CRACR2A: variants seen among roughly 807,000 people sequenced by gnomAD.
CRACR2A encodes the protein calcium release activated channel regulator 2A, also known as EF-hand calcium-binding domain-containing protein 4B.
CRACR2A carries 79 observed loss-of-function variants against 90.5 expected under a neutral mutation model. The ratio of observed to expected loss-of-function variants is 0.87; its 90% CI spans 0.73 to 1.05. CRACR2A has a LOEUF of 1.05. Among genes scored for constraint, CRACR2A ranks in the 50% least tolerant of loss-of-function variants. The pLI is 0.00. For missense variants in CRACR2A, 823 were observed against 897.2 expected (o/e 0.92, Z 1.06); for synonymous variants, 338 against 356.7 (o/e 0.95, Z 0.59).
chr12:3,635,708 G>T (rs1278011108), intron 14 of CRACR2A, among the ~76,000 whole-genome samples: 1 of 152,120 alleles, frequency 6.6e-6, no homozygotes, highest in Non-Finnish European at 1.5e-5. Flanking sequence ...GTCTTCCCAT[G>T]TTGCTTAGGC....
chr12:3,631,480 C>T (rs1466227186), intron 15 of CRACR2A, among the ~76,000 whole-genome samples: 1 of 152,154 alleles, frequency 6.6e-6, no homozygotes, highest in Non-Finnish European at 1.5e-5. Context: ...AGGGCCTCCC[C>T]CATGGAATGC....
intron 3 of CRACR2A, among the ~76,000 whole-genome samples, chr12:3,712,070 T>C (rs1404642680): frequency 1.3e-5 from 2 of 152,190 alleles, no homozygotes; most frequent in African/African-American, 2.4e-5. Context: ...ATCAAACCCC[T>C]AGTCTTCATT....
At chr12:3,663,723 CCT>C (rs1945080015) in intron 7 of CRACR2A, among the ~76,000 whole-genome samples, 1 of 152,196 alleles carries the variant, frequency 6.6e-6, no homozygotes, top group Non-Finnish European at 1.5e-5. Context: ...CTGACTATTA[CCT>C]CTCTTGTTCT....
At chr12:3,740,628 G>A (rs568812739) in intron 1 of CRACR2A, among the ~76,000 whole-genome samples, 1 of 152,208 alleles carries the variant, frequency 6.6e-6, no homozygotes, top group South Asian at 2.1e-4. Context: ...ATACCTTACT[G>A]CATTGCTGTA....
chr12:3,730,054 T>C (rs556222392), intron 2 of CRACR2A: 6 of 152,296 alleles, frequency 3.9e-5, no homozygotes, highest in Non-Finnish European at 8.8e-5. Flanking sequence ...AGCCTGGACA[T>C]GGCAAGGCAG....
intron 2 of CRACR2A, among the ~76,000 whole-genome samples, chr12:3,717,498 CA>C (rs1355044455): frequency 6.6e-6 from 1 of 152,172 alleles, no homozygotes; most frequent in Non-Finnish European, 1.5e-5. Flanking sequence ...CTTGATATTG[CA>C]GGCCTACCAC....
intron 11 of CRACR2A, chr12:3,648,327 A>G: frequency 6.8e-7 from 1 of 1,461,532 alleles, no homozygotes; most frequent in Non-Finnish European, 9.0e-7. Flanking sequence ...ACCAGGAGGA[A>G]TAAACTGGAT....
chr12:3,684,844 G>A (rs570751545), intron 4 of CRACR2A, among the ~76,000 whole-genome samples: 23 of 152,330 alleles, frequency 1.5e-4, no homozygotes, highest in South Asian at 6.2e-4. Context: ...GACAGACTGC[G>A]GGGAGCCAGG....
chr12:3,728,184 C>T (rs1017173087), intron 2 of CRACR2A: 1 of 152,182 alleles, frequency 6.6e-6, no homozygotes, highest in African/African-American at 2.4e-5. Flanking sequence ...CCATAGGAAA[C>T]ACAGGCAACG....
intron 8 of CRACR2A, among the ~76,000 whole-genome samples, chr12:3,659,191 A>C (rs542671439): frequency 2.0e-5 from 3 of 152,360 alleles, no homozygotes; most frequent in Non-Finnish European, 4.4e-5. Flanking sequence ...TAACAGGGAA[A>C]GCATGAGCCT....
intron 2 of CRACR2A, among the ~76,000 whole-genome samples, chr12:3,719,687 G>GA (rs1946128607): frequency 6.6e-6 from 1 of 152,060 alleles, no homozygotes; most frequent in African/African-American, 2.4e-5. Context: ...ATTCTTTCAA[G>GA]AAAAAAGACA....
At chr12:3,634,728 G>A (rs1193110600) in intron 14 of CRACR2A, among the ~76,000 whole-genome samples, 1 of 152,170 alleles carries the variant, frequency 6.6e-6, no homozygotes, top group African/African-American at 2.4e-5. Flanking sequence ...ATACTATAAT[G>A]TAGTGGCAGG....
chr12:3,663,540 T>C (rs1175140644), intron 7 of CRACR2A, among the ~76,000 whole-genome samples: 1 of 152,228 alleles, frequency 6.6e-6, no homozygotes, highest in Non-Finnish European at 1.5e-5. Flanking sequence ...GGAGTTGCCT[T>C]GGGTTCCGGT....
intron 12 of CRACR2A, among the ~76,000 whole-genome samples, chr12:3,643,243 G>A (rs1410848962): frequency 6.6e-6 from 1 of 152,180 alleles, no homozygotes; most frequent in South Asian, 2.1e-4. Context: ...AAACTGTGGC[G>A]TAATGCAGTC....
chr12:3,700,440 T>C (rs1429901904), intron 3 of CRACR2A, among the ~76,000 whole-genome samples: 1 of 152,186 alleles, frequency 6.6e-6, no homozygotes, highest in East Asian at 1.9e-4. Flanking sequence ...AGACTACCTA[T>C]GTTGAGGAAA....
At chr12:3,649,927 A>G (rs1025355472) in intron 10 of CRACR2A, among the ~76,000 whole-genome samples, 2 of 152,126 alleles carry the variant, frequency 1.3e-5, no homozygotes, top group Admixed American at 6.5e-5. Flanking sequence ...CTCAGGGAAG[A>G]AAGGAAAGAA....
intron 12 of CRACR2A, among the ~76,000 whole-genome samples, chr12:3,643,310 C>T (rs1944606573): frequency 6.6e-6 from 1 of 152,162 alleles, no homozygotes; most frequent in Non-Finnish European, 1.5e-5. Flanking sequence ...AAACCAATTG[C>T]CTTCTGCTGA....
intron 7 of CRACR2A, among the ~76,000 whole-genome samples, chr12:3,669,809 C>A (rs376476646): frequency 6.6e-6 from 1 of 152,150 alleles, no homozygotes; most frequent in Non-Finnish European, 1.5e-5. Context: ...AGCCACCGTG[C>A]GACCTGGGGG....
chr12:3,634,499 T>A (rs1374552229), intron 14 of CRACR2A, among the ~76,000 whole-genome samples: 1 of 151,624 alleles, frequency 6.6e-6, no homozygotes, highest in Non-Finnish European at 1.5e-5. Flanking sequence ...CAGAGGGGAG[T>A]GAACTTGCTC....
Sources: allele counts gnomAD v4.1 joint callset (sites outside exome capture counted in the v4.1 genomes callset), GRCh38; gene constraint gnomAD v4.1.1; transcripts MANE v1.5; gene names NCBI Gene and HGNC (gene_info 2026-07-23, HGNC 2026-07-21).